Variants in PPP2R5C observed in about 807,000 individuals in gnomAD.
PPP2R5C encodes the protein serine/threonine-protein phosphatase 2A 56 kDa regulatory subunit gamma isoform.
In PPP2R5C, 7 loss-of-function variants were observed where a neutral mutation model predicts 68.9. The observed-to-expected ratio is 0.10, with a 90% CI of 0.06 to 0.19. The LOEUF (loss-of-function observed/expected upper bound fraction) is 0.19. Among genes scored for constraint, PPP2R5C ranks in the 10% least tolerant of loss-of-function variants. PPP2R5C has a pLI of 1.00. For missense variants in PPP2R5C, 348 were observed against 641.3 expected, an observed-to-expected ratio of 0.54 and a Z score of 4.94; for synonymous variants, 210 against 222.2, an observed-to-expected ratio of 0.95 and a Z score of 0.49.
At position 101,825,606 on chromosome 14, in the gene PPP2R5C, A is replaced by T. The variant is rs2040353396; in HGVS notation, c.94+15570A>T. Among the ~76,000 whole-genome samples the T allele has an allele frequency of 6.6e-6, 1 of 152,160 alleles. No individual in the cohort carries two copies. Among genetic ancestry groups the T allele is most frequent in the Admixed American group, 6.5e-5 (1 of 15,280 alleles). On this transcript the variant is annotated intron_variant, in intron 1 of 13. Transcript: ENST00000334743. This position sits in a 1 kb window ranked among gnomAD's most constrained non-coding sequence, Gnocchi z 4.0. Reference sequence around the variant, plus strand: ...ACCTCCTAGCCAGGGTGTCACTCCAATTCCATCATTCAGGTTTCACTGAAC... The same window carrying T: ...ACCTCCTAGCCAGGGTGTCACTCCATTTCCATCATTCAGGTTTCACTGAAC...
intron 8 of PPP2R5C, among the ~76,000 whole-genome samples, chr14:101,898,229 T>G (rs2045476520): frequency 6.6e-6 from 1 of 152,162 alleles, no homozygotes; most frequent in Non-Finnish European, 1.5e-5. Flanking sequence ...AAAGTATGTA[T>G]TTTTCTTTCA....
At chr14:101,865,512 G>A (rs1203335698) in intron 2 of PPP2R5C, among the ~76,000 whole-genome samples, 3 of 152,252 alleles carry the variant, frequency 2.0e-5, no homozygotes, top group Non-Finnish European at 4.4e-5. Flanking sequence ...CAAACCATGC[G>A]ATAGAGTCAA....
intron 6 of PPP2R5C, among the ~76,000 whole-genome samples, chr14:101,892,351 C>T (rs867019044): frequency 2.8e-5 from 4 of 143,784 alleles, no homozygotes; most frequent in Admixed American, 7.3e-5. Context: ...AGCAAGAATG[C>T]CTACCAGATG....
intron 5 of PPP2R5C, among the ~76,000 whole-genome samples, chr14:101,885,003 T>C (rs1447008054): frequency 6.6e-6 from 1 of 152,246 alleles, no homozygotes; most frequent in Non-Finnish European, 1.5e-5. Context: ...GCTTCTCTGG[T>C]CAGCTTGCCT....
At chr14:101,852,537 C>T (rs1251751283) in intron 1 of PPP2R5C, among the ~76,000 whole-genome samples, 2 of 138,704 alleles carry the variant, frequency 1.4e-5, no homozygotes, top group African/African-American at 5.4e-5. Context: ...GGTGTGATCT[C>T]AGTTCACTGC....
chr14:101,857,600 G>A (rs2042499255), intron 2 of PPP2R5C, among the ~76,000 whole-genome samples: 1 of 152,246 alleles, frequency 6.6e-6, no homozygotes, highest in Non-Finnish European at 1.5e-5. Flanking sequence ...TCAGTCCTCT[G>A]AAGTGTCAAA....
chr14:101,926,228 C>T (rs1050641788), exon 14 of PPP2R5C: 2 of 152,298 alleles, frequency 1.3e-5, no homozygotes, highest in African/African-American at 4.8e-5. Flanking sequence ...CGCCTTTAAG[C>T]ATAAAGTAAC....
chr14:101,775,735 A>G (rs7160945), intron 2 of PPP2R5C, among the ~76,000 whole-genome samples: 27,775 of 152,124 alleles, frequency 0.18, 3,415 homozygotes, highest in African/African-American at 0.34. Flanking sequence ...TACCCTGGCT[A>G]GGAACCTGAA....
intron 1 of PPP2R5C, chr14:101,823,702 A>G (rs1019753931): frequency 2.0e-6 from 2 of 975,678 alleles, no homozygotes; most frequent in African/African-American, 3.4e-5. Context: ...GGAGCTGGTG[A>G]CAGAGACCAG....
chr14:101,919,485 C>T (rs1426339517), intron 13 of PPP2R5C, among the ~76,000 whole-genome samples: 1 of 151,854 alleles, frequency 6.6e-6, no homozygotes, highest in Non-Finnish European at 1.5e-5. Flanking sequence ...TTTTTTAACT[C>T]AGGAATTTAA....
intron 2 of PPP2R5C, among the ~76,000 whole-genome samples, chr14:101,774,768 G>T (rs1386200245): frequency 6.6e-6 from 1 of 152,158 alleles, no homozygotes; most frequent in African/African-American, 2.4e-5. Context: ...AGGGAAATCT[G>T]TCCTGTTTTC....
At chr14:101,905,936 G>A (rs1014677315) in intron 9 of PPP2R5C, among the ~76,000 whole-genome samples, 4 of 152,126 alleles carry the variant, frequency 2.6e-5, no homozygotes, top group East Asian at 3.9e-4. Context: ...GTGACTTATC[G>A]TTTCTAGTAA....
At chr14:101,817,158 A>G (rs2039771171) in intron 1 of PPP2R5C, among the ~76,000 whole-genome samples, 1 of 151,626 alleles carries the variant, frequency 6.6e-6, no homozygotes, top group African/African-American at 2.4e-5. Context: ...GGGTTTCACC[A>G]TGTTGACCAG....
chr14:101,868,219 A>C (rs919056412), intron 2 of PPP2R5C, among the ~76,000 whole-genome samples: 22 of 152,232 alleles, frequency 1.4e-4, no homozygotes, highest in African/African-American at 5.3e-4. Flanking sequence ...GAGGATTTAA[A>C]TCATGCATTC....
chr14:101,812,614 T>G (rs1220361034), intron 1 of PPP2R5C, among the ~76,000 whole-genome samples: 1 of 152,242 alleles, frequency 6.6e-6, no homozygotes, highest in Non-Finnish European at 1.5e-5. Flanking sequence ...GCTACAGGAT[T>G]ACAGTAGTGG....
chr14:101,921,502 A>G (rs761163403), intron 13 of PPP2R5C: 2 of 151,852 alleles, frequency 1.3e-5, no homozygotes, highest in African/African-American at 2.4e-5. Flanking sequence ...AGCCTGGGTG[A>G]CAGAGCCAGA....
chr14:101,876,567 G>A (rs765434697), intron 2 of PPP2R5C, among the ~76,000 whole-genome samples: 35 of 152,158 alleles, frequency 2.3e-4, no homozygotes, highest in East Asian at 7.7e-4. Context: ...AGAATTTTCC[G>A]TAAAGTTGCT....
chr14:101,829,869 G>C (rs559254076), intron 1 of PPP2R5C, among the ~76,000 whole-genome samples: 2 of 152,030 alleles, frequency 1.3e-5, no homozygotes, highest in African/African-American at 4.8e-5. Flanking sequence ...TGTCGCTGTC[G>C]TATTTTTCTT....
intron 2 of PPP2R5C, among the ~76,000 whole-genome samples, chr14:101,881,682 A>G (rs917067872): frequency 3.9e-5 from 6 of 152,224 alleles, no homozygotes; most frequent in African/African-American, 1.4e-4. Context: ...ATCGTTGCGG[A>G]TTGCAGAGGA....
Sources: allele counts gnomAD v4.1 joint callset (sites outside exome capture counted in the v4.1 genomes callset), GRCh38; gene constraint gnomAD v4.1.1; non-coding constraint Gnocchi (gnomAD v3.1); transcripts MANE v1.5; gene names NCBI Gene and HGNC (gene_info 2026-07-23, HGNC 2026-07-21).